The following GPC5 variants were observed in gnomAD, a reference collection of about 807,000 sequenced individuals.
The protein encoded by GPC5 is glypican-5.
In GPC5, 47 loss-of-function variants were observed where a neutral mutation model predicts 53.9. That is an observed-to-expected ratio of 0.87 (90% confidence interval 0.69 to 1.11). The LOEUF is 1.11. Ranked by LOEUF, GPC5 falls within the 50% of genes most tolerant of loss-of-function variation. The probability of loss-of-function intolerance (pLI) is 0.00; values close to 1 mark genes in which losing one functional copy is unlikely to be tolerated. For missense variants in GPC5, 748 were observed against 713.1 expected (o/e 1.05, Z -0.56); for synonymous variants, 286 against 263.3 (o/e 1.09, Z -0.84).
intron 3 of GPC5, among the ~76,000 whole-genome samples, chr13:91,709,026 A>G (rs1363682354): frequency 1.3e-5 from 2 of 152,178 alleles, no homozygotes; most frequent in Non-Finnish European, 2.9e-5. Context: ...TTATTTAAGA[A>G]ATTTATGAGT....
chr13:92,613,135 C>G (rs1440312820), intron 7 of GPC5, among the ~76,000 whole-genome samples: 1 of 147,988 alleles, frequency 6.8e-6, no homozygotes, highest in African/African-American at 2.5e-5. Flanking sequence ...ATTAAACTTC[C>G]AAAATGATTA....
intron 5 of GPC5, among the ~76,000 whole-genome samples, chr13:91,898,832 T>C (rs2039469350): frequency 6.6e-6 from 1 of 152,048 alleles, no homozygotes; most frequent in African/African-American, 2.4e-5. Flanking sequence ...GAGAACTGAT[T>C]GCTAAGAAAA....
At chr13:91,961,851 T>C (rs2040129007) in intron 6 of GPC5, among the ~76,000 whole-genome samples, 1 of 152,056 alleles carries the variant, frequency 6.6e-6, no homozygotes. Context: ...AGTTTGTGAT[T>C]GATGAGGAGG....
chr13:92,659,006 G>T (rs1886241524), intron 7 of GPC5: 2 of 129,102 alleles, frequency 1.5e-5, no homozygotes, highest in South Asian at 5.2e-4. Context: ...TCGGCTCACT[G>T]CAAGCTCCGC....
intron 7 of GPC5, among the ~76,000 whole-genome samples, chr13:92,849,690 A>G (rs1256162970): frequency 6.6e-6 from 1 of 152,214 alleles, no homozygotes; most frequent in African/African-American, 2.4e-5. Context: ...GTGCTGAATG[A>G]TATGCATATG....
At chr13:91,574,545 A>T (rs1594277974) in intron 2 of GPC5, among the ~76,000 whole-genome samples, 1 of 152,202 alleles carries the variant, frequency 6.6e-6, no homozygotes, top group East Asian at 1.9e-4. Flanking sequence ...AAAAATATGA[A>T]TTAATATGCA....
chr13:92,055,697 C>T (rs1478687065), intron 6 of GPC5, among the ~76,000 whole-genome samples: 2 of 152,186 alleles, frequency 1.3e-5, no homozygotes, highest in African/African-American at 4.8e-5. Context: ...ATAAACTAAA[C>T]ACCTTGCATG....
At chr13:91,984,401 G>C (rs2012775040) in intron 6 of GPC5, among the ~76,000 whole-genome samples, 1 of 152,176 alleles carries the variant, frequency 6.6e-6, no homozygotes, top group African/African-American at 2.4e-5. Flanking sequence ...AACAGCCAAT[G>C]GCATTGAGTA....
chr13:91,436,906 T>C (rs1880019922), intron 1 of GPC5, among the ~76,000 whole-genome samples: 1 of 152,222 alleles, frequency 6.6e-6, no homozygotes, highest in Non-Finnish European at 1.5e-5. Context: ...GATAGTTAGC[T>C]CTTCTTGTTG....
intron 6 of GPC5, among the ~76,000 whole-genome samples, chr13:92,068,245 AAACTTTC>A (rs2041182454): frequency 6.6e-6 from 1 of 151,892 alleles, no homozygotes; most frequent in South Asian, 2.1e-4. Flanking sequence ...TCAAAAAGAA[AAACTTTC>A]CAGTTAATTT....
chr13:92,113,264 A>C (rs1594768264), intron 6 of GPC5, among the ~76,000 whole-genome samples: 1 of 152,282 alleles, frequency 6.6e-6, no homozygotes, highest in South Asian at 2.1e-4. Context: ...ACAGTTACAA[A>C]GTCTTGTGTG....
chr13:91,612,249 C>A (rs1019671451), intron 2 of GPC5, among the ~76,000 whole-genome samples: 2 of 152,154 alleles, frequency 1.3e-5, no homozygotes, highest in African/African-American at 2.4e-5. Flanking sequence ...ATAAATTATA[C>A]TTCTGTAGCC....
intron 7 of GPC5, among the ~76,000 whole-genome samples, chr13:92,515,322 T>A (rs1310689432): frequency 2.0e-5 from 3 of 152,118 alleles, no homozygotes; most frequent in Non-Finnish European, 2.9e-5. Context: ...GGGAGCAGCA[T>A]TTTTTTGAGA....
intron 6 of GPC5, among the ~76,000 whole-genome samples, chr13:91,952,178 T>C (rs2040032147): frequency 9.9e-6 from 1 of 101,276 alleles, no homozygotes; most frequent in African/African-American, 3.6e-5. Context: ...TCTCTTTCTC[T>C]CTCTCTCTCT....
chr13:91,974,397 A>C (rs1594699010), intron 6 of GPC5, among the ~76,000 whole-genome samples: 1 of 152,166 alleles, frequency 6.6e-6, no homozygotes, highest in African/African-American at 2.4e-5. Flanking sequence ...AATCTCCTTA[A>C]GCTGATAAGC....
At chr13:92,629,823 T>A (rs1885176946) in intron 7 of GPC5, among the ~76,000 whole-genome samples, 1 of 152,186 alleles carries the variant, frequency 6.6e-6, no homozygotes, top group South Asian at 2.1e-4. Context: ...TAGGACTTCA[T>A]TCTTGACAAA....
At chr13:92,558,781 G>GA (rs1192097896) in intron 7 of GPC5, among the ~76,000 whole-genome samples, 1 of 151,774 alleles carries the variant, frequency 6.6e-6, no homozygotes, top group African/African-American at 2.4e-5. Context: ...TATAGTAATA[G>GA]AAAAAAAGAT....
intron 6 of GPC5, among the ~76,000 whole-genome samples, chr13:91,923,515 A>G (rs1325863933): frequency 6.6e-6 from 1 of 152,236 alleles, no homozygotes; most frequent in Non-Finnish European, 1.5e-5. Flanking sequence ...TAGTTCCATT[A>G]AAAACCAAAT....
chr13:92,531,864 G>T (rs763760838), intron 7 of GPC5, among the ~76,000 whole-genome samples: 8 of 152,104 alleles, frequency 5.3e-5, no homozygotes, highest in Non-Finnish European at 1.0e-4. Flanking sequence ...GAGTAATATG[G>T]TTATCATTTC....
Sources: gnomAD v4.1 joint callset for allele counts (sites outside exome capture counted in the v4.1 genomes callset) on GRCh38, gnomAD v4.1.1 for gene constraint, MANE v1.5 for transcripts, NCBI Gene and HGNC (gene_info 2026-07-23, HGNC 2026-07-21) for gene names.